NEO1: variants seen among roughly 807,000 people sequenced by gnomAD.
NEO1 encodes the protein neogenin 1.
In NEO1, 63 loss-of-function variants were observed where a neutral mutation model predicts 159.7. The ratio of observed to expected loss-of-function variants is 0.39; its 90% CI spans 0.32 to 0.49. The LOEUF is 0.49. Among genes scored for constraint, NEO1 ranks in the 20% least tolerant of loss-of-function variants. The probability of loss-of-function intolerance (pLI) is 0.85; values close to 1 mark genes in which losing one functional copy is unlikely to be tolerated. For missense variants in NEO1, 1,615 were observed against 1,831.0 expected (o/e 0.88, Z 2.15); for synonymous variants, 633 against 662.0 (o/e 0.96, Z 0.67).
chr15:73,237,006 T>C (rs1291472765), intron 8 of NEO1, among the ~76,000 whole-genome samples: 2 of 152,222 alleles, frequency 1.3e-5, no homozygotes, highest in Non-Finnish European at 2.9e-5. Context: ...GGAAGATCTA[T>C]AATGTCCAGG....
chr15:73,147,490 C>T (rs958226557), intron 5 of NEO1, among the ~76,000 whole-genome samples: 5 of 152,184 alleles, frequency 3.3e-5, no homozygotes, highest in Admixed American at 6.5e-5. Context: ...CTTAGGCTTT[C>T]TCACCTAAGT....
intron 26 of NEO1, among the ~76,000 whole-genome samples, chr15:73,295,145 T>TATATAA (rs1306550657): frequency 2.2e-5 from 3 of 134,878 alleles, no homozygotes; most frequent in African/African-American, 5.5e-5. Flanking sequence ...TATATATATG[T>TATATAA]AAAAATTTGG....
At chr15:73,062,979 A>G (rs1275476758) in intron 1 of NEO1, among the ~76,000 whole-genome samples, 1 of 152,210 alleles carries the variant, frequency 6.6e-6, no homozygotes, top group Non-Finnish European at 1.5e-5. Flanking sequence ...GCCTGGGGCA[A>G]AGACTTAGGC....
chr15:73,212,403 C>G (rs1016074729), intron 7 of NEO1, among the ~76,000 whole-genome samples: 22 of 152,168 alleles, frequency 1.4e-4, no homozygotes, highest in African/African-American at 5.3e-4. Flanking sequence ...CCACCTTCTT[C>G]TTTCATATAT....
Position 73,067,762 on chromosome 15 carries a change from G to A in NEO1, c.130+14957G>A, listed in dbSNP as rs576034639. Among the ~76,000 whole-genome samples, 117 of 151,828 alleles carry A rather than the reference G, an allele frequency of 7.7e-4. 1 individual carries two copies. The highest frequency in any genetic ancestry group is 2.7e-3 in the African/African-American group (113 of 41,404). ...CTCCCAAGTAGCTGGGACTACAGGC[G>A]CCCGCCACCATGCCCGGCTAATTTT... On this transcript the variant is annotated intron_variant, in intron 1 of 28. Coordinates refer to ENST00000261908, the MANE Select transcript of NEO1 (RefSeq NM_002499.4).
intron 15 of NEO1, among the ~76,000 whole-genome samples, chr15:73,262,453 C>T (rs1378718807): frequency 1.3e-5 from 2 of 152,088 alleles, no homozygotes; most frequent in Non-Finnish European, 2.9e-5. Flanking sequence ...GAGATTTGAA[C>T]AGACACTATA....
At chr15:73,239,504 TCAGA>T (rs1173615480) in intron 8 of NEO1, among the ~76,000 whole-genome samples, 1 of 152,210 alleles carries the variant, frequency 6.6e-6, no homozygotes, top group Non-Finnish European at 1.5e-5. Flanking sequence ...AACGCTTCAG[TCAGA>T]CAGACTGCGT....
chr15:73,209,935 G>A (rs1376973967), intron 7 of NEO1, among the ~76,000 whole-genome samples: 1 of 152,024 alleles, frequency 6.6e-6, no homozygotes, highest in East Asian at 1.9e-4. Flanking sequence ...CCCAGGAGGC[G>A]GAGGTTGCAG....
At chr15:73,212,648 G>C (rs1354469579) in intron 7 of NEO1, among the ~76,000 whole-genome samples, 1 of 151,790 alleles carries the variant, frequency 6.6e-6, no homozygotes, top group Non-Finnish European at 1.5e-5. Flanking sequence ...TCCACTTCTA[G>C]CAATTTGTCT....
intron 5 of NEO1, among the ~76,000 whole-genome samples, chr15:73,140,865 T>C (rs1394359394): frequency 6.6e-6 from 1 of 152,190 alleles, no homozygotes. Context: ...TGTAATTACA[T>C]TGTTATATAT....
At chr15:73,232,408 C>A (rs989872002) in intron 7 of NEO1, among the ~76,000 whole-genome samples, 1 of 152,200 alleles carries the variant, frequency 6.6e-6, no homozygotes, top group South Asian at 2.1e-4. Context: ...TGCTCAAATA[C>A]CTCAAGCCAA....
intron 5 of NEO1, among the ~76,000 whole-genome samples, chr15:73,162,519 A>G (rs2034263152): frequency 6.6e-6 from 1 of 152,032 alleles, no homozygotes; most frequent in Non-Finnish European, 1.5e-5. Flanking sequence ...CAACCTGCTG[A>G]GTAGCTGGGG....
rs879110796 is a variant in NEO1 at position 73,288,609 on chromosome 15, CTTT to C, written c.3649+67_3649+69del. 3 of 1,177,682 alleles carry C rather than the reference CTTT, an allele frequency of 2.5e-6. No homozygotes were observed. In the African/African-American group the frequency reaches 4.7e-5, roughly 19 times the overall value. The allele number at this position is 1,177,682 out of a possible 1,614,324, so 73.0% of individuals were successfully genotyped here. A position where few individuals can be genotyped will look rare whatever the true frequency, so the allele number is the denominator to read the frequency against. On this transcript the variant is annotated intron_variant, in intron 24 of 28. Coordinates refer to ENST00000261908, the MANE Select transcript of NEO1 (RefSeq NM_002499.4). ...GTTAGGAAACTATTTTCATTTAAAT[CTTT>C]TTTTTTTTCCCTGAGTTTGCCTTCA... is the stretch of plus-strand genomic sequence containing the variant.
intron 9 of NEO1, 129 bp from the exon 10 acceptor site, chr15:73,248,927 TTCAA>T: frequency 1.2e-6 from 1 of 852,188 alleles, no homozygotes; most frequent in Admixed American, 2.6e-5. Flanking sequence ...CTAAAACCAC[TTCAA>T]TCAAATCCAT....
intron 8 of NEO1, among the ~76,000 whole-genome samples, chr15:73,242,533 T>C (rs2039544490): frequency 6.6e-6 from 1 of 152,022 alleles, no homozygotes. Context: ...CCGGGCGTGG[T>C]GGTGTGCACC....
In NEO1 at chr15:73,272,493, A is replaced by G; in HGVS notation, c.2896A>G (p.Lys966Glu). 2 of 1,614,094 alleles carry G rather than the reference A, an allele frequency of 1.2e-6. No individual in the cohort carries two copies. The highest frequency in any genetic ancestry group is 1.7e-6 in the Non-Finnish European group (2 of 1,179,966). Residue 966 changes from lysine to glutamate, a missense_variant, in exon 19 of 29, where the codon AAA (lysine) becomes GAA (glutamate). Physicochemically the swap from Lys to Glu is moderately conservative, Grantham distance 56. Transcript: ENST00000261908. ...ACCCAAGGATGTGACTGTTGTGAGT[A>G]AAGAGGGGAAACCTAAGACCATAAT... is the stretch of plus-strand genomic sequence containing the variant. ...SPPKDVTVVSKEGKPKTIIVN... is the reference protein window; with the variant it reads ...SPPKDVTVVSEEGKPKTIIVN...
intron 16 of NEO1, 77 bp downstream of exon 16, chr15:73,266,488 C>A: frequency 9.5e-7 from 1 of 1,050,026 alleles, no homozygotes; most frequent in South Asian, 2.2e-5. Context: ...AGGCCTATCC[C>A]ATAGGTGTTA....
Position 73,260,261 on chromosome 15 carries a change from T to G in NEO1, c.2204-10T>G. On this transcript the variant is annotated splice_polypyrimidine_tract_variant and intron_variant, in intron 14 of 28. Transcript: ENST00000261908. Reference sequence around the variant, plus strand: ...ATATCTCATCTTGCTTTTCCACTTTTCCTTCCCAGAAACTCGTGTTCCTGA... The same window carrying G: ...ATATCTCATCTTGCTTTTCCACTTTGCCTTCCCAGAAACTCGTGTTCCTGA... The G allele has an allele frequency of 1.9e-6, 3 of 1,609,670 alleles. No individual in the cohort carries two copies. The highest frequency in any genetic ancestry group is 4.5e-5 in the East Asian group (2 of 44,788).
At chr15:73,054,585 TG>T (rs1238916332) in intron 1 of NEO1, among the ~76,000 whole-genome samples, 1 of 152,176 alleles carries the variant, frequency 6.6e-6, no homozygotes, top group Non-Finnish European at 1.5e-5. Flanking sequence ...TAACCTAGTC[TG>T]GGTGTTAAGA....
Sources: gnomAD v4.1 joint callset for allele counts (sites outside exome capture counted in the v4.1 genomes callset) on GRCh38, gnomAD v4.1.1 for gene constraint, MANE v1.5 for transcripts, NCBI Gene and HGNC (gene_info 2026-07-23, HGNC 2026-07-21) for gene names.